Variants in ZFPM2 observed in about 807,000 individuals in gnomAD.
The protein encoded by ZFPM2 is zinc finger protein ZFPM2.
Under a neutral mutation model 98.6 loss-of-function variants are expected in ZFPM2, and 20 were observed. That is an observed-to-expected ratio of 0.20 (90% CI 0.14 to 0.29). ZFPM2 has a LOEUF of 0.29. ZFPM2 is among the 10% of genes least tolerant of loss of function. The pLI, the probability that ZFPM2 is intolerant of heterozygous loss-of-function variation, is 1.00. For missense variants in ZFPM2, 1,310 were observed against 1,388.6 expected (o/e 0.94, Z 0.90); for synonymous variants, 518 against 502.7 (o/e 1.03, Z -0.41).
In ZFPM2 at chr8:105,803,752, G is replaced by T; in HGVS notation, c.*214G>T. On this transcript the variant is annotated 3_prime_UTR_variant, in exon 8 of 8. Transcript: ENST00000407775. ...AAAAAATTAATTTATTTTACCAGCA[G>T]TATTCATAGCTGTGGTTATGTTATT... The T allele has an allele frequency of 3.7e-6, 2 of 538,122 alleles. No homozygotes were observed. Among genetic ancestry groups the T allele is most frequent in the South Asian group, 2.4e-5 (1 of 40,848 alleles). The allele number at this position is 538,122 out of a possible 1,614,324, so 33.3% of individuals were successfully genotyped here.
chr8:105,362,445 G>T (rs1810423766), intron 1 of ZFPM2, among the ~76,000 whole-genome samples: 1 of 152,048 alleles, frequency 6.6e-6, no homozygotes, highest in South Asian at 2.1e-4. Context: ...GCCCTAGAGG[G>T]TTATTACTAT....
intron 3 of ZFPM2, among the ~76,000 whole-genome samples, chr8:105,558,887 G>A (rs1815063156): frequency 1.3e-5 from 2 of 152,020 alleles, no homozygotes; most frequent in Admixed American, 1.3e-4. Flanking sequence ...ATGGTAAATT[G>A]TAAATAAACT....
chr8:105,561,841 C>T (rs943546785), intron 4 of ZFPM2, among the ~76,000 whole-genome samples: 1 of 152,034 alleles, frequency 6.6e-6, no homozygotes, highest in Non-Finnish European at 1.5e-5. Context: ...TCATGAAGAA[C>T]AAGAAATAAA....
intron 4 of ZFPM2, among the ~76,000 whole-genome samples, chr8:105,580,721 T>C (rs1283575580): frequency 2.6e-5 from 4 of 151,812 alleles, no homozygotes; most frequent in African/African-American, 9.7e-5. Context: ...AACTAAGATA[T>C]AGTTTGGCCC....
chr8:105,611,399 C>G (rs1314836165), intron 4 of ZFPM2, among the ~76,000 whole-genome samples: 1 of 152,170 alleles, frequency 6.6e-6, no homozygotes, highest in South Asian at 2.1e-4. Flanking sequence ...CTACTCAGAA[C>G]TGATCCACTA....
chr8:105,629,100 C>A (rs977890726), intron 4 of ZFPM2, among the ~76,000 whole-genome samples: 32 of 152,184 alleles, frequency 2.1e-4, no homozygotes, highest in Admixed American at 1.0e-3. Context: ...ACCTGCTCAC[C>A]TGTGCACTCC....
chr8:105,365,781 C>G (rs985882280), intron 1 of ZFPM2, among the ~76,000 whole-genome samples: 3 of 152,126 alleles, frequency 2.0e-5, no homozygotes, highest in African/African-American at 7.2e-5. Flanking sequence ...ACTTAGTGGC[C>G]TGGACTTGGG....
At chr8:105,563,822 CA>C (rs1292636977) in intron 4 of ZFPM2, among the ~76,000 whole-genome samples, 1 of 152,102 alleles carries the variant, frequency 6.6e-6, no homozygotes, top group Non-Finnish European at 1.5e-5. Context: ...GATACCAATG[CA>C]ACCTTTAATC....
intron 4 of ZFPM2, among the ~76,000 whole-genome samples, chr8:105,633,960 A>T (rs1816798973): frequency 6.6e-6 from 1 of 152,080 alleles, no homozygotes. Context: ...TCTCTTTATA[A>T]TTCAGAGCCA....
intron 5 of ZFPM2, among the ~76,000 whole-genome samples, chr8:105,674,745 G>A (rs937069977): frequency 2.0e-5 from 3 of 152,080 alleles, no homozygotes; most frequent in African/African-American, 7.2e-5. Flanking sequence ...TCAAGAAGAG[G>A]ATATAAAATG....
intron 5 of ZFPM2, among the ~76,000 whole-genome samples, chr8:105,724,716 C>A (rs1165776613): frequency 6.6e-6 from 1 of 151,642 alleles, no homozygotes; most frequent in Non-Finnish European, 1.5e-5. Flanking sequence ...TGAATGTTAA[C>A]TTTTTCTGTT....
At chr8:105,610,086 A>T (rs1375043659) in intron 4 of ZFPM2, among the ~76,000 whole-genome samples, 2 of 152,134 alleles carry the variant, frequency 1.3e-5, no homozygotes, top group Non-Finnish European at 2.9e-5. Flanking sequence ...AAAAGGAGAG[A>T]TAAGTTCAGG....
At chr8:105,647,384 C>CT in intron 5 of ZFPM2, among the ~76,000 whole-genome samples, 1 of 150,352 alleles carries the variant, frequency 6.7e-6, no homozygotes, top group African/African-American at 2.4e-5. Context: ...CTTTTTTTTT[C>CT]TTTTTTATTA....
intron 4 of ZFPM2, among the ~76,000 whole-genome samples, chr8:105,600,493 A>G (rs991087145): frequency 2.0e-5 from 3 of 152,104 alleles, no homozygotes; most frequent in Non-Finnish European, 4.4e-5. Flanking sequence ...TGTATCTGAC[A>G]AATATTAATC....
intron 5 of ZFPM2, among the ~76,000 whole-genome samples, chr8:105,742,800 G>A (rs529829747): frequency 6.6e-6 from 1 of 152,114 alleles, no homozygotes. Context: ...GGCTGAGGCA[G>A]GAGAATTGCT....
intron 1 of ZFPM2, among the ~76,000 whole-genome samples, chr8:105,344,724 A>G (rs796582222): frequency 1.3e-5 from 2 of 152,068 alleles, no homozygotes; most frequent in African/African-American, 4.8e-5. Flanking sequence ...ACATTTATAT[A>G]TATGCTATGA....
chr8:105,789,720 A>G (rs977304882), intron 6 of ZFPM2, among the ~76,000 whole-genome samples: 3 of 152,074 alleles, frequency 2.0e-5, no homozygotes, highest in African/African-American at 4.8e-5. Flanking sequence ...AAGTGTTCCT[A>G]TTTCTCCACA....
chr8:105,745,279 G>T (rs2131041029), intron 5 of ZFPM2, among the ~76,000 whole-genome samples: 1 of 152,186 alleles, frequency 6.6e-6, no homozygotes, highest in Admixed American at 6.5e-5. Context: ...TTGTTGAATT[G>T]AATTGTCTTA....
At chr8:105,650,758 C>A (rs1817154236) in intron 5 of ZFPM2, among the ~76,000 whole-genome samples, 1 of 152,122 alleles carries the variant, frequency 6.6e-6, no homozygotes, top group South Asian at 2.1e-4. Context: ...GTTTTAATTT[C>A]TGTTCTTTTA....
Sources: gnomAD v4.1 joint callset for allele counts (sites outside exome capture counted in the v4.1 genomes callset) on GRCh38, gnomAD v4.1.1 for gene constraint, MANE v1.5 for transcripts, NCBI Gene and HGNC (gene_info 2026-07-23, HGNC 2026-07-21) for gene names.